Variants in ADAMTSL3 observed in about 807,000 individuals in gnomAD.
The protein encoded by ADAMTSL3 is ADAMTS-like protein 3.
ADAMTSL3 carries 128 observed loss-of-function variants against 201.7 expected under a neutral mutation model. That is an observed-to-expected ratio of 0.63 (90% CI 0.55 to 0.73). The LOEUF (loss-of-function observed/expected upper bound fraction) is 0.73. Among genes scored for constraint, ADAMTSL3 ranks in the 30% least tolerant of loss-of-function variants. The probability of loss-of-function intolerance (pLI) is 0.00; values close to 1 mark genes in which losing one functional copy is unlikely to be tolerated. For synonymous variants in ADAMTSL3, 738 were observed against 748.4 expected, an observed-to-expected ratio of 0.99 and a Z score of 0.23; for missense variants, 1,990 against 2,119.6, an observed-to-expected ratio of 0.94 and a Z score of 1.20.
chr15:84,002,943 T>C (rs1214417618), intron 23 of ADAMTSL3, among the ~76,000 whole-genome samples: 6 of 144,220 alleles, frequency 4.2e-5, no homozygotes, highest in African/African-American at 1.3e-4. Flanking sequence ...TTTCTTTTTT[T>C]TTTTTTTTTT....
intron 3 of ADAMTSL3, among the ~76,000 whole-genome samples, chr15:83,737,412 T>C (rs749814811): frequency 4.3e-4 from 65 of 152,182 alleles, no homozygotes; most frequent in Non-Finnish European, 8.7e-4. Context: ...TCCCCCATGC[T>C]GGTCTCATGA....
At chr15:83,656,096 G>A (rs1358078728) in intron 2 of ADAMTSL3, among the ~76,000 whole-genome samples, 1 of 152,178 alleles carries the variant, frequency 6.6e-6, no homozygotes, top group Non-Finnish European at 1.5e-5. Context: ...GGGCTGTGAT[G>A]GACCCTGTCA....
intron 26 of ADAMTSL3, among the ~76,000 whole-genome samples, chr15:84,024,639 C>T (rs1435568049): frequency 6.6e-6 from 1 of 152,178 alleles, no homozygotes; most frequent in Non-Finnish European, 1.5e-5. Flanking sequence ...ACAAAGCACT[C>T]AATATCTCAA....
At chr15:83,815,082 C>T (rs2063751674) in intron 5 of ADAMTSL3, among the ~76,000 whole-genome samples, 1 of 152,106 alleles carries the variant, frequency 6.6e-6, no homozygotes, top group African/African-American at 2.4e-5. Context: ...TCCTCCTCTC[C>T]ATCCTCTTCT....
chr15:83,904,659 GGAATGTGTT>G (rs1304757954), intron 15 of ADAMTSL3, among the ~76,000 whole-genome samples: 1 of 152,200 alleles, frequency 6.6e-6, no homozygotes, highest in East Asian at 1.9e-4. Context: ...TTTCAGCTGT[GGAATGTGTT>G]GACAGTTGAT....
chr15:83,943,133 T>A (rs1312432775), intron 19 of ADAMTSL3, 51 bp downstream of exon 19: 18 of 1,536,884 alleles, frequency 1.2e-5, no homozygotes, highest in Non-Finnish European at 1.6e-5. Context: ...CCCTCCTTTG[T>A]TTCAGCTTCT....
chr15:83,857,337 T>C (rs2064759096), intron 7 of ADAMTSL3, among the ~76,000 whole-genome samples: 1 of 152,216 alleles, frequency 6.6e-6, no homozygotes, highest in Non-Finnish European at 1.5e-5. Context: ...AAATTTAGTT[T>C]TTTTTCATGT....
chr15:83,771,387 G>T (rs2062981495), intron 3 of ADAMTSL3, among the ~76,000 whole-genome samples: 1 of 152,118 alleles, frequency 6.6e-6, no homozygotes, highest in African/African-American at 2.4e-5. Flanking sequence ...CAGATCTCTA[G>T]AACTTTTTAA....
At chr15:83,699,676 G>A (rs936222040) in intron 2 of ADAMTSL3, among the ~76,000 whole-genome samples, 14 of 151,944 alleles carry the variant, frequency 9.2e-5, no homozygotes, top group African/African-American at 1.9e-4. Context: ...TATCCATTTC[G>A]TGCCACTGTT....
At chr15:83,715,423 C>A (rs1178626550) in intron 3 of ADAMTSL3, among the ~76,000 whole-genome samples, 1 of 152,158 alleles carries the variant, frequency 6.6e-6, no homozygotes, top group Non-Finnish European at 1.5e-5. Flanking sequence ...TAACATACAC[C>A]TCCCTTCCCA....
intron 23 of ADAMTSL3, among the ~76,000 whole-genome samples, chr15:83,997,908 G>A (rs1341353834): frequency 1.3e-5 from 2 of 151,904 alleles, no homozygotes; most frequent in African/African-American, 4.8e-5. Flanking sequence ...TCCTTTGCAG[G>A]AATCTGGGAC....
intron 2 of ADAMTSL3, among the ~76,000 whole-genome samples, chr15:83,696,682 C>T (rs2033071): frequency 0.83 from 126,945 of 152,176 alleles, 53,238 homozygotes; most frequent in East Asian, 0.96. Flanking sequence ...TATAATTGGG[C>T]AAATTTGCCA....
intron 9 of ADAMTSL3, among the ~76,000 whole-genome samples, chr15:83,877,219 C>A (rs1045946827): frequency 3.9e-5 from 6 of 152,204 alleles, no homozygotes; most frequent in Admixed American, 1.3e-4. Flanking sequence ...GGAATACATG[C>A]CCATCCCCTA....
At chr15:83,686,605 ATG>A (rs2061539276) in intron 2 of ADAMTSL3, among the ~76,000 whole-genome samples, 2 of 152,066 alleles carry the variant, frequency 1.3e-5, no homozygotes, top group South Asian at 4.1e-4. Context: ...CTAATAATTG[ATG>A]TGTGGGTGGG....
At chr15:83,664,675 A>C (rs2061223716) in intron 2 of ADAMTSL3, among the ~76,000 whole-genome samples, 1 of 152,200 alleles carries the variant, frequency 6.6e-6, no homozygotes, top group Non-Finnish European at 1.5e-5. Context: ...AGTATGAGAT[A>C]ATGATGAACA....
At chr15:83,821,391 C>CT (rs1214341434) in intron 6 of ADAMTSL3, among the ~76,000 whole-genome samples, 2 of 150,612 alleles carry the variant, frequency 1.3e-5, no homozygotes, top group African/African-American at 4.9e-5. Flanking sequence ...ACCCTGCGGC[C>CT]TTCCGCAGTG....
chr15:83,892,801 G>A lies in ADAMTSL3; in HGVS notation c.1380G>A (p.Trp460Ter). ...GAGAGATATTGCAGGTGGAAGAATG[G>A]AAGTGCATGTACGCACCCAAACCCA... is the stretch of plus-strand genomic sequence containing the variant. ...MHGEILQVEE[W>*]KCMYAPKPKV... The change falls in exon 13 of 30, where the codon TGG becomes TGA. Residue 460 changes from tryptophan (W) to a stop codon, truncating the protein, a stop_gained. Transcript: ENST00000286744. LOFTEE classifies it high-confidence loss of function. 1 of 1,614,122 alleles carries A rather than the reference G, an allele frequency of 6.2e-7. No individual in the cohort carries two copies. Among genetic ancestry groups the A allele is most frequent in the Non-Finnish European group, 8.5e-7 (1 of 1,180,008 alleles).
At chr15:83,815,457 A>C (rs553343436) in intron 5 of ADAMTSL3, among the ~76,000 whole-genome samples, 2 of 152,254 alleles carry the variant, frequency 1.3e-5, no homozygotes, top group African/African-American at 2.4e-5. Flanking sequence ...AAGCCCATCA[A>C]GTATATTTCA....
At chr15:83,844,666 C>T (rs2064457648) in intron 7 of ADAMTSL3, among the ~76,000 whole-genome samples, 1 of 152,086 alleles carries the variant, frequency 6.6e-6, no homozygotes, top group Admixed American at 6.5e-5. Context: ...GAGAGTGTGG[C>T]CTGGAAGGAA....
Sources: gnomAD v4.1 joint callset for allele counts (sites outside exome capture counted in the v4.1 genomes callset) on GRCh38, gnomAD v4.1.1 for gene constraint, MANE v1.5 for transcripts, NCBI Gene and HGNC (gene_info 2026-07-23, HGNC 2026-07-21) for gene names.